ZKSCAN7: variants seen among roughly 807,000 people sequenced by gnomAD.
The protein encoded by ZKSCAN7 is zinc finger with KRAB and SCAN domains 7.
A neutral mutation model predicts 65.3 loss-of-function variants in ZKSCAN7; 38 were observed. The observed-to-expected ratio is 0.58, with a 90% CI of 0.45 to 0.76. ZKSCAN7 has a LOEUF of 0.76. ZKSCAN7 is among the 30% of genes least tolerant of loss of function. ZKSCAN7 has a pLI of 0.00. For missense variants in ZKSCAN7, 815 were observed against 913.3 expected, an observed-to-expected ratio of 0.89 and a Z score of 1.39; for synonymous variants, 321 against 321.0, an observed-to-expected ratio of 1.00 and a Z score of 0.00.
At chr3:44,578,382 C>G in intron 5 of ZKSCAN7, 2 of 1,613,402 alleles carry the variant, frequency 1.2e-6, no homozygotes, top group Non-Finnish European at 1.7e-6. Context: ...GCCTCCCCAC[C>G]GCCGTCCCCA....
chr3:44,567,030 T>C (rs1345190942), intron 3 of ZKSCAN7, among the ~76,000 whole-genome samples: 1 of 151,836 alleles, frequency 6.6e-6, no homozygotes, highest in African/African-American at 2.4e-5. Context: ...GCATGAGAAT[T>C]GCTTGAGCCT....
chr3:44,581,136 C>T (rs1168079214), intron 5 of ZKSCAN7: 11 of 966,782 alleles, frequency 1.1e-5, no homozygotes, highest in Non-Finnish European at 1.4e-5. Flanking sequence ...GCCACAGGCC[C>T]TGACCGGCCT....
chr3:44,568,516 AC>A, intron 5 of ZKSCAN7, 83 bp downstream of exon 5: 1 of 1,536,840 alleles, frequency 6.5e-7, no homozygotes, highest in Non-Finnish European at 8.7e-7. Context: ...TAAACTTTTT[AC>A]CATGAAAATT....
intron 2 of ZKSCAN7, among the ~76,000 whole-genome samples, chr3:44,561,129 G>A (rs1699463558): frequency 6.6e-6 from 1 of 152,174 alleles, no homozygotes; most frequent in South Asian, 2.1e-4. Flanking sequence ...AACTACCTGG[G>A]TAATTAAAAA....
At chr3:44,580,790 A>G (rs1477062622) in intron 5 of ZKSCAN7, 1 of 1,612,746 alleles carries the variant, frequency 6.2e-7, no homozygotes, top group Non-Finnish European at 8.5e-7. Context: ...GCAAGAGGCC[A>G]TGCTCGTAAA....
chr3:44,565,386 C>T (rs910831706), intron 2 of ZKSCAN7, 101 bp from the exon 3 acceptor site: 5 of 1,264,482 alleles, frequency 4.0e-6, no homozygotes, highest in Non-Finnish European at 4.3e-6. Flanking sequence ...CCTGGCTCTT[C>T]TTTTCCCTGG....
In ZKSCAN7 at chr3:44,571,123, A is replaced by C. The variant is rs763563472; in HGVS notation, c.2013A>C (p.Val671=). 9.9e-6 allele frequency: 16 copies of C among 1,614,120 alleles called. No individual in the cohort carries two copies. The East Asian group carries it at 2.7e-4, about 27-fold the overall frequency. Residue 671 remains valine, a synonymous_variant, in exon 6 of 6, where the codon GTA becomes GTC. Coordinates refer to ENST00000426540, the MANE Select transcript of ZKSCAN7 (RefSeq NM_001288590.2). The stretch of plus-strand genomic sequence containing the variant: ...ATGAATGTAATGAGTGTGGGAAGGT[A>C]TTCAGTTATAGCTCCAGCCTTATGG... ...KPYECNECGK[V]FSYSSSLMVH...
chr3:44,580,617 A>C (rs1466283837), intron 5 of ZKSCAN7: 1 of 1,613,602 alleles, frequency 6.2e-7, no homozygotes, highest in East Asian at 2.2e-5. Flanking sequence ...CCCACTGACG[A>C]TCTCCTTGGT....
rs767976873 is a variant in ZKSCAN7, at chr3:44,570,258, A to G, written c.1148A>G (p.Tyr383Cys). ...HEGVLKGQKS[Y>C]RCDECGKAFN... ...GGAGTTTTAAAGGGACAGAAATCCTATCGATGTGATGAATGTGGCAAAGCT... is the reference window on the plus strand; with the variant it reads ...GGAGTTTTAAAGGGACAGAAATCCTGTCGATGTGATGAATGTGGCAAAGCT... The change falls in exon 6 of 6, where the codon TAT becomes TGT. Residue 383 changes from tyrosine (Y) to cysteine (C), a missense_variant. Coordinates refer to ENST00000426540, the MANE Select transcript of ZKSCAN7 (RefSeq NM_001288590.2). 6 of 1,614,118 alleles carry G rather than the reference A, an allele frequency of 3.7e-6. No individual in the cohort carries two copies. The highest frequency in any genetic ancestry group is 5.1e-6 in the Non-Finnish European group (6 of 1,180,046).
At chr3:44,563,769 C>A (rs1337704655) in intron 2 of ZKSCAN7, among the ~76,000 whole-genome samples, 1 of 151,542 alleles carries the variant, frequency 6.6e-6, no homozygotes, top group Non-Finnish European at 1.5e-5. Context: ...TGAACAGGAA[C>A]TTTACCAGGA....
At position 44,570,906 on chromosome 3, in the gene ZKSCAN7, G is replaced by A. The variant is rs750023286; in HGVS notation, c.1796G>A (p.Arg599Gln). The A allele has an allele frequency of 1.7e-5, 28 of 1,614,064 alleles. No homozygotes were observed. The highest frequency in any genetic ancestry group is 1.6e-4 in the Middle Eastern group (1 of 6,062). Reference protein sequence around the residue: ...NQNSQLIEHERIHTGEKPFEC... With the variant: ...NQNSQLIEHEQIHTGEKPFEC... ...AACTCTCAACTCATTGAGCATGAGCGAATTCATACTGGAGAAAAACCTTTT... is the reference window on the plus strand; with the variant it reads ...AACTCTCAACTCATTGAGCATGAGCAAATTCATACTGGAGAAAAACCTTTT... Residue 599 changes from arginine to glutamine, a missense_variant, in exon 6 of 6, where the codon CGA becomes CAA. Physicochemically the swap from Arg to Gln is conservative, Grantham distance 43 (BLOSUM62 1). Around this residue, in one of 3 missense-constraint regions of ZKSCAN7, gnomAD observed 578 missense variants for 629.5 expected, o/e 0.92. Transcript: ENST00000426540.
chr3:44,576,267 A>G (rs1699922017), downstream of ZKSCAN7, among the ~76,000 whole-genome samples: 1 of 152,120 alleles, frequency 6.6e-6, no homozygotes, highest in Non-Finnish European at 1.5e-5. Context: ...CTCTTTTTCC[A>G]TATATAGTCA....
chr3:44,582,171 A>G (rs1700100723), intron 5 of ZKSCAN7, among the ~76,000 whole-genome samples: 1 of 152,200 alleles, frequency 6.6e-6, no homozygotes, highest in African/African-American at 2.4e-5. Context: ...CTAGTACTTG[A>G]TCCAGGATAG....
At chr3:44,566,249 G>A (rs1048051270) in intron 3 of ZKSCAN7, among the ~76,000 whole-genome samples, 15 of 152,290 alleles carry the variant, frequency 9.8e-5, no homozygotes, top group Admixed American at 2.0e-4. Flanking sequence ...GTGGAGTCAG[G>A]AAAGACTGTA....
intron 5 of ZKSCAN7, chr3:44,578,253 G>A (rs1699967124): frequency 8.3e-6 from 13 of 1,561,322 alleles, no homozygotes; most frequent in Non-Finnish European, 8.0e-6. Flanking sequence ...AGTGCTGTCT[G>A]CAGCTCATCC....
At chr3:44,566,248 G>A (rs1699627781) in intron 3 of ZKSCAN7, among the ~76,000 whole-genome samples, 1 of 152,210 alleles carries the variant, frequency 6.6e-6, no homozygotes, top group South Asian at 2.1e-4. Flanking sequence ...GGTGGAGTCA[G>A]GAAAGACTGT....
intron 5 of ZKSCAN7, chr3:44,578,180 C>G: frequency 6.6e-7 from 1 of 1,521,466 alleles, no homozygotes; most frequent in Non-Finnish European, 9.1e-7. Context: ...CAGCCTTAGC[C>G]TTTGCGATGC....
At chr3:44,572,849 C>CAAAAAAAAAAAAAAAAAAA (rs11339297), downstream of ZKSCAN7, among the ~76,000 whole-genome samples, 1,813 of 72,298 alleles carry the variant, frequency 0.025, 104 homozygotes, top group Non-Finnish European at 0.03. Flanking sequence ...GACTCTGTCT[C>CAAAAAAAAAAAAAAAAAAA]AAAAAAAAAA....
At chr3:44,580,789 C>T in intron 5 of ZKSCAN7, 1 of 1,612,792 alleles carries the variant, frequency 6.2e-7, no homozygotes, top group Non-Finnish European at 8.5e-7. Context: ...CGCAAGAGGC[C>T]ATGCTCGTAA....
Sources: gnomAD v4.1 joint callset for allele counts (sites outside exome capture counted in the v4.1 genomes callset) on GRCh38, gnomAD v4.1.1 for gene constraint, gnomAD v4.1.1 regional missense constraint, MANE v1.5 for transcripts, NCBI Gene and HGNC (gene_info 2026-07-23, HGNC 2026-07-21) for gene names.